DACH2: variants seen among roughly 807,000 people sequenced by gnomAD.
The protein encoded by DACH2 is dachshund homolog 2.
In DACH2, 17 loss-of-function variants were observed where a neutral mutation model predicts 35.8. That is an observed-to-expected ratio of 0.48 (90% CI 0.33 to 0.71). The LOEUF is 0.71. DACH2 is among the 30% of genes least tolerant of loss of function. The pLI, the probability that DACH2 is intolerant of heterozygous loss-of-function variation, is 0.02. For synonymous variants in DACH2, 195 were observed against 177.3 expected (o/e 1.10, Z -0.79); for missense variants, 469 against 472.7 (o/e 0.99, Z 0.07).
At chrX:86,623,437 GT>G (rs11350128) in intron 3 of DACH2, among the ~76,000 whole-genome samples, 1,366 of 111,372 alleles carry the variant, frequency 0.012, 18 homozygotes, top group African/African-American at 0.042. Flanking sequence ...TTAATACCAA[GT>G]TTTTTTGGGA....
At chrX:86,771,495 G>A (rs1885374781) in intron 7 of DACH2, among the ~76,000 whole-genome samples, 1 of 112,045 alleles carries the variant, frequency 8.9e-6, no homozygotes, top group Non-Finnish European at 1.9e-5. Context: ...AGTTAATACT[G>A]ATGCTAAAGT....
At chrX:86,450,384 C>T (rs1430643869) in intron 2 of DACH2, among the ~76,000 whole-genome samples, 1 of 111,228 alleles carries the variant, frequency 9.0e-6, no homozygotes, top group Non-Finnish European at 1.9e-5. Context: ...CCATCCATGT[C>T]CCTGAAAAGG....
chrX:86,434,973 G>A (rs143226013), intron 2 of DACH2, among the ~76,000 whole-genome samples: 1 of 110,503 alleles, frequency 9.0e-6, no homozygotes, highest in African/African-American at 3.3e-5. Flanking sequence ...TAGATGACCT[G>A]ATCTTGTAAG....
chrX:86,156,289 T>A (rs2030541967), intron 1 of DACH2, among the ~76,000 whole-genome samples: 2 of 111,653 alleles, frequency 1.8e-5, no homozygotes, highest in African/African-American at 6.5e-5. Flanking sequence ...AAAGGTTCAT[T>A]AAGCCTAATG....
At chrX:86,546,392 CTTCTTCTTCTTCCTT>C (rs1346673410) in intron 3 of DACH2, among the ~76,000 whole-genome samples, 2 of 66,720 alleles carry the variant, frequency 3.0e-5, no homozygotes, top group Non-Finnish European at 5.7e-5. Flanking sequence ...TCTTCTTCTT[CTTCTTCTTCTTCCTT>C]CTTCTTCTTC....
At chrX:86,650,478 T>G (rs1488895811) in intron 3 of DACH2, among the ~76,000 whole-genome samples, 2 of 111,211 alleles carry the variant, frequency 1.8e-5, no homozygotes, top group Middle Eastern at 4.6e-3. Flanking sequence ...CCTTTAGATA[T>G]GCACTAATGA....
chrX:86,209,714 G>A (rs759529850), intron 1 of DACH2, among the ~76,000 whole-genome samples: 1 of 111,118 alleles, frequency 9.0e-6, no homozygotes, highest in African/African-American at 3.3e-5. Context: ...GAGGCTTAGA[G>A]GGAGGAGCTG....
chrX:86,212,754 G>A (rs1226093069), intron 1 of DACH2, among the ~76,000 whole-genome samples: 1 of 110,735 alleles, frequency 9.0e-6, no homozygotes, highest in African/African-American at 3.3e-5. Context: ...ATTTTGAATA[G>A]GTTAAGTTCC....
At chrX:86,764,466 G>T (rs992691958) in intron 7 of DACH2, among the ~76,000 whole-genome samples, 10 of 111,462 alleles carry the variant, frequency 9.0e-5, no homozygotes, top group African/African-American at 1.3e-4. Context: ...ACTTATAAGT[G>T]TTAACATCGA....
At position 86,424,893 on chromosome X, in the gene DACH2, G is replaced by A. The variant is rs181444120; in HGVS notation, c.527+48031G>A. On this transcript the variant is annotated intron_variant, in intron 2 of 11. Coordinates refer to ENST00000373125, the MANE Select transcript of DACH2 (RefSeq NM_053281.3). ...AGGGTTTTTATCAGGAAAGAATGTC[G>A]AATTTTATTAAATGCTTTTTCAGGA... Among the ~76,000 whole-genome samples, 279 of 110,888 alleles carry A rather than the reference G, an allele frequency of 2.5e-3. 2 individuals carry two copies. The highest frequency in any genetic ancestry group is 7.5e-3 in the African/African-American group (231 of 30,661).
intron 3 of DACH2, among the ~76,000 whole-genome samples, chrX:86,614,595 C>A (rs2039983447): frequency 9.0e-6 from 1 of 111,123 alleles, no homozygotes; most frequent in South Asian, 3.7e-4. Context: ...ACCACCTTCA[C>A]AACAGATTTT....
intron 1 of DACH2, among the ~76,000 whole-genome samples, chrX:86,201,075 G>A (rs768824973): frequency 2.2e-4 from 25 of 111,571 alleles, no homozygotes; most frequent in Non-Finnish European, 3.8e-4. Context: ...AGAAGATGTG[G>A]TAAATAAATA....
intron 1 of DACH2, among the ~76,000 whole-genome samples, chrX:86,225,672 C>G (rs2032808790): frequency 9.0e-6 from 1 of 110,916 alleles, no homozygotes. Context: ...ATCTTGATAA[C>G]AACAGTCTTC....
chrX:86,515,609 C>T (rs969530609), intron 3 of DACH2, among the ~76,000 whole-genome samples: 1 of 111,813 alleles, frequency 8.9e-6, no homozygotes, highest in Non-Finnish European at 1.9e-5. Context: ...TAAGTTTTTC[C>T]CTTTAGACCA....
chrX:86,598,555 C>T (rs774961328), intron 3 of DACH2, among the ~76,000 whole-genome samples: 30 of 111,176 alleles, frequency 2.7e-4, no homozygotes, highest in African/African-American at 7.2e-4. Context: ...GTAGTCTTTG[C>T]GGTTTTTTTC....
At chrX:86,431,663 G>T (rs2036986989) in intron 2 of DACH2, among the ~76,000 whole-genome samples, 1 of 111,493 alleles carries the variant, frequency 9.0e-6, no homozygotes, top group Admixed American at 9.6e-5. Context: ...TAATAATAAA[G>T]CAATATAATA....
intron 2 of DACH2, among the ~76,000 whole-genome samples, chrX:86,422,494 A>T (rs2036821428): frequency 9.1e-6 from 1 of 110,295 alleles, no homozygotes; most frequent in Non-Finnish European, 1.9e-5. Flanking sequence ...CACACTTTTG[A>T]GTCTTAGTAT....
intron 3 of DACH2, among the ~76,000 whole-genome samples, chrX:86,531,974 AAGG>A (rs745528582): frequency 6.5e-4 from 74 of 113,150 alleles, no homozygotes; most frequent in African/African-American, 2.2e-3. Context: ...CATGGAGTCA[AAGG>A]AGAATATTTT....
chrX:86,274,574 A>G (rs1250726267), intron 1 of DACH2, among the ~76,000 whole-genome samples: 2 of 89,651 alleles, frequency 2.2e-5, no homozygotes, highest in Non-Finnish European at 4.2e-5. Flanking sequence ...GGCTCACTGC[A>G]AGCTCCGCCT....
Sources: gnomAD v4.1 joint callset for allele counts (sites outside exome capture counted in the v4.1 genomes callset) on GRCh38, gnomAD v4.1.1 for gene constraint, MANE v1.5 for transcripts, NCBI Gene and HGNC (gene_info 2026-07-23, HGNC 2026-07-21) for gene names.